TMEM132C: variants seen among roughly 807,000 people sequenced by gnomAD.
The protein encoded by TMEM132C is transmembrane protein 132C, also known as protein phosphatase 1, regulatory subunit 152.
In TMEM132C, 29 loss-of-function variants were observed where a neutral mutation model predicts 61.4. That is an observed-to-expected ratio of 0.47 (90% CI 0.35 to 0.64). The LOEUF is 0.64. Among genes scored for constraint, TMEM132C ranks in the 30% least tolerant of loss-of-function variants. The pLI is 0.00. For missense variants in TMEM132C, 1,408 were observed against 1,476.9 expected (o/e 0.95, Z 0.76); for synonymous variants, 656 against 633.1 (o/e 1.04, Z -0.54).
At chr12:128,629,705 C>T (rs555113109) in intron 4 of TMEM132C, among the ~76,000 whole-genome samples, 36 of 152,282 alleles carry the variant, frequency 2.4e-4, no homozygotes, top group Non-Finnish European at 3.5e-4. Context: ...CGGTGGCTCA[C>T]GCCTGTAATC....
At chr12:128,473,443 T>C (rs1467577314) in intron 2 of TMEM132C, among the ~76,000 whole-genome samples, 1 of 151,816 alleles carries the variant, frequency 6.6e-6, no homozygotes, top group Non-Finnish European at 1.5e-5. Context: ...AGCCTCTATC[T>C]TTATCCTCAC....
chr12:128,619,388 C>G (rs1953936443), intron 4 of TMEM132C, among the ~76,000 whole-genome samples: 1 of 152,220 alleles, frequency 6.6e-6, no homozygotes, highest in African/African-American at 2.4e-5. Flanking sequence ...CTGCCTCTGA[C>G]TCCCCCTGAG....
chr12:128,360,609 CAG>C (rs1265475463), intron 1 of TMEM132C, among the ~76,000 whole-genome samples: 2 of 152,142 alleles, frequency 1.3e-5, no homozygotes, highest in Admixed American at 6.5e-5. Flanking sequence ...CATTCCGAGA[CAG>C]GGGATGTATC....
intron 4 of TMEM132C, among the ~76,000 whole-genome samples, chr12:128,619,533 A>AAAACTGATT (rs1953937861): frequency 6.6e-6 from 1 of 152,194 alleles, no homozygotes; most frequent in Admixed American, 6.5e-5. Context: ...TCCCAAGGCC[A>AAAACTGATT]CCGTTTTGCT....
chr12:128,514,283 G>A lies in TMEM132C; in HGVS notation c.975-29674G>A, dbSNP rs536514631. 6.6e-5 allele frequency among the ~76,000 whole-genome samples: 10 copies of A among 152,290 alleles called. No homozygotes were observed. In the South Asian group the frequency reaches 1.9e-3, roughly 28 times the overall value. ...GGAAACATGTTTCTCTTTCTACTTA[G>A]CAAGCACTCAGAGAGCTCACACTCT... On this transcript the variant is annotated intron_variant, in intron 2 of 8. Coordinates refer to ENST00000435159, the MANE Select transcript of TMEM132C (RefSeq NM_001136103.3).
intron 1 of TMEM132C, chr12:128,404,655 A>T (rs1385205533): frequency 6.7e-6 from 1 of 149,742 alleles, no homozygotes; most frequent in Non-Finnish European, 1.5e-5. Flanking sequence ...GGCCCTAACC[A>T]TCCTTTATGT....
chr12:128,375,624 C>G (rs1346326974), intron 1 of TMEM132C, among the ~76,000 whole-genome samples: 1 of 152,096 alleles, frequency 6.6e-6, no homozygotes. Context: ...ATCTCGTGTT[C>G]CTGAACTAAT....
At chr12:128,411,470 C>A (rs193215097) in intron 1 of TMEM132C, among the ~76,000 whole-genome samples, 1 of 152,246 alleles carries the variant, frequency 6.6e-6, no homozygotes, top group African/African-American at 2.4e-5. Flanking sequence ...CTTTTAACAT[C>A]ATTATTTATT....
chr12:128,678,451 A>C (rs1434970029), intron 5 of TMEM132C, among the ~76,000 whole-genome samples: 1 of 152,146 alleles, frequency 6.6e-6, no homozygotes, highest in African/African-American at 2.4e-5. Context: ...AAGAGCTTGA[A>C]CTCTGCCACT....
At chr12:128,351,841 A>G (rs1453645546) in intron 1 of TMEM132C, among the ~76,000 whole-genome samples, 1 of 152,234 alleles carries the variant, frequency 6.6e-6, no homozygotes, top group East Asian at 1.9e-4. Flanking sequence ...GAGATTTGGC[A>G]GGGACAAACA....
In TMEM132C at chr12:128,415,448, A is replaced by G. The variant is rs1208220426; in HGVS notation, c.802A>G (p.Arg268Gly). The change falls in exon 2 of 9, where the codon AGG (arginine) becomes GGG (glycine). Residue 268 changes from arginine (R) to glycine (G), a missense_variant. By Grantham distance (125) the Arg-to-Gly change is moderately radical (BLOSUM62 -2). Transcript: ENST00000435159. The surrounding 1 kb of genome is among the most constrained non-coding windows in gnomAD (Gnocchi z 5.8). ...GGAGGAAACCACGTCCCACCTGCAG[A>G]GGATCGGCACCGTCGGCCTTTACCG... ...GLEETTSHLQ[R>G]IGTVGLYRAQ... 5.2e-6 allele frequency: 8 copies of G among 1,551,704 alleles called. No homozygotes were observed. Among genetic ancestry groups the G allele is most frequent in the Non-Finnish European group, 7.0e-6 (8 of 1,146,976 alleles).
chr12:128,532,410 G>T (rs1175489837), intron 2 of TMEM132C, among the ~76,000 whole-genome samples: 1 of 151,320 alleles, frequency 6.6e-6, no homozygotes, highest in Non-Finnish European at 1.5e-5. Flanking sequence ...AGGCCAAAGC[G>T]GGTGGATCAC....
chr12:128,546,699 G>A (rs1873962208), intron 3 of TMEM132C, among the ~76,000 whole-genome samples: 1 of 152,138 alleles, frequency 6.6e-6, no homozygotes, highest in African/African-American at 2.4e-5. Flanking sequence ...CAAAGAGGAG[G>A]GCGGGTGGTG....
intron 2 of TMEM132C, among the ~76,000 whole-genome samples, chr12:128,434,852 G>A (rs1438446307): frequency 2.7e-5 from 4 of 147,134 alleles, no homozygotes; most frequent in African/African-American, 1.0e-4. Context: ...AAACTCCTGA[G>A]CTCAGGCAAT....
intron 1 of TMEM132C, among the ~76,000 whole-genome samples, chr12:128,312,901 G>A (rs191468173): frequency 2.2e-4 from 33 of 152,322 alleles, no homozygotes; most frequent in Non-Finnish European, 3.8e-4. Context: ...CCCGCACATG[G>A]GCTCTGGAGG....
intron 1 of TMEM132C, among the ~76,000 whole-genome samples, chr12:128,269,600 T>C (rs956332970): frequency 4.6e-5 from 7 of 152,164 alleles, no homozygotes; most frequent in Non-Finnish European, 1.0e-4. Flanking sequence ...TTGATGGGGC[T>C]TTCTTTCCCT....
chr12:128,367,470 A>G (rs984423745), intron 1 of TMEM132C, among the ~76,000 whole-genome samples: 1 of 152,204 alleles, frequency 6.6e-6, no homozygotes, highest in African/African-American at 2.4e-5. Flanking sequence ...TTGGAAAACA[A>G]TAGTGAGGTG....
In TMEM132C at chr12:128,506,410, G is replaced by A. The variant is rs1872361634; in HGVS notation, c.975-37547G>A. Among the ~76,000 whole-genome samples, 3 of 152,208 alleles carry A rather than the reference G, an allele frequency of 2.0e-5. No individual in the cohort carries two copies. The South Asian group carries it at 6.2e-4, about 32-fold the overall frequency. On this transcript the variant is annotated intron_variant, in intron 2 of 8. Transcript: ENST00000435159. ...TTTGGGTTTTCCTTGCAGAGTTCTA[G>A]ACCAAAGATGTGGAGGAGTAGATTT... is the stretch of plus-strand genomic sequence containing the variant.
intron 3 of TMEM132C, among the ~76,000 whole-genome samples, chr12:128,603,733 C>A (rs186181480): frequency 6.6e-6 from 1 of 152,182 alleles, no homozygotes; most frequent in South Asian, 2.1e-4. Flanking sequence ...ACTCAGGGTG[C>A]GGTAAAGAAG....
Sources: allele counts gnomAD v4.1 joint callset (sites outside exome capture counted in the v4.1 genomes callset), GRCh38; gene constraint gnomAD v4.1.1; non-coding constraint Gnocchi (gnomAD v3.1); transcripts MANE v1.5; gene names NCBI Gene and HGNC (gene_info 2026-07-23, HGNC 2026-07-21).